TMEM245: variants seen among roughly 807,000 people sequenced by gnomAD.
The protein encoded by TMEM245 is protein CG-2.
A neutral mutation model predicts 101.2 loss-of-function variants in TMEM245; 69 were observed. The ratio of observed to expected loss-of-function variants is 0.68; its 90% confidence interval spans 0.56 to 0.83. The LOEUF is 0.83. Ranked by LOEUF, TMEM245 falls within the 40% of genes least tolerant of loss-of-function variation. The pLI is 0.00. For synonymous variants in TMEM245, 537 were observed against 449.8 expected (o/e 1.19, Z -2.45); for missense variants, 1,075 against 1,092.8 (o/e 0.98, Z 0.23).
Position 109,119,539 on chromosome 9 carries a change from G to A in TMEM245, c.375C>T (p.Leu125=), listed in dbSNP as rs761725478. The change falls in exon 1 of 18, where the codon CTC becomes CTT. Residue 125 remains leucine, a synonymous_variant. Transcript: ENST00000374586. ...AHTPIVLAAL[L]LPLCFVDYGV... ...CGTAGTCGACGAAGCAGAGCGGCAG[G>A]AGCAGCGCGGCCAGGACGATGGGCG... 7.2e-6 allele frequency: 11 copies of A among 1,531,498 alleles called. No individual in the cohort carries two copies. Among genetic ancestry groups the A allele is most frequent in the East Asian group, 2.6e-5 (1 of 39,208 alleles). The allele number at this position is 1,531,498 out of a possible 1,614,324, so 94.9% of individuals were successfully genotyped here. A position where few individuals can be genotyped will look rare whatever the true frequency, so the allele number is the denominator to read the frequency against.
intron 17 of TMEM245, among the ~76,000 whole-genome samples, chr9:109,023,983 T>C (rs1047104100): frequency 2.6e-5 from 4 of 152,196 alleles, no homozygotes; most frequent in African/African-American, 9.7e-5. Context: ...CCTTGCTCTT[T>C]GAAAATATTT....
chr9:109,107,237 T>TA (rs889532649), intron 2 of TMEM245, among the ~76,000 whole-genome samples: 60 of 137,394 alleles, frequency 4.4e-4, no homozygotes, highest in East Asian at 1.3e-3. Context: ...AAAATAAAAA[T>TA]AAAAAAAAAA....
At chr9:109,082,435 G>A (rs1829691297) in intron 7 of TMEM245, among the ~76,000 whole-genome samples, 1 of 152,180 alleles carries the variant, frequency 6.6e-6, no homozygotes, top group African/African-American at 2.4e-5. Context: ...CTTTCAATCA[G>A]AAACCAATTG....
chr9:109,056,832 T>C (rs1199059047), intron 12 of TMEM245, among the ~76,000 whole-genome samples: 1 of 152,086 alleles, frequency 6.6e-6, no homozygotes, highest in South Asian at 2.1e-4. Flanking sequence ...GGAGGTTAGG[T>C]GGGAAGGTGA....
intron 1 of TMEM245, among the ~76,000 whole-genome samples, chr9:109,118,953 C>T (rs1830809159): frequency 6.6e-6 from 1 of 152,174 alleles, no homozygotes; most frequent in African/African-American, 2.4e-5. Flanking sequence ...CTCTGACATT[C>T]AGATGCGCAG....
chr9:109,051,985 G>A (rs138647468), intron 12 of TMEM245, among the ~76,000 whole-genome samples: 2 of 152,278 alleles, frequency 1.3e-5, no homozygotes, highest in East Asian at 1.9e-4. Flanking sequence ...GTATATTGAC[G>A]TCTACTGAGT....
rs199859346 is a variant in TMEM245 at position 109,057,212 on chromosome 9, C to T, written c.1833G>A (p.Glu611=). ...DWQDIVSFVH[E]NIETFLSILE... Reference sequence around the variant, plus strand: ...TTACCGAAAGAAATGTCTCAATGTTCTCGTGAACAAAGGAAACAATATCCT... The same window carrying T: ...TTACCGAAAGAAATGTCTCAATGTTTTCGTGAACAAAGGAAACAATATCCT... The change falls in exon 12 of 18, where the codon GAG becomes GAA. Residue 611 remains glutamate (E), a synonymous_variant. Transcript: ENST00000374586. 6.2e-7 allele frequency: 1 copy of T among 1,613,820 alleles called. No homozygotes were observed. The highest frequency in any genetic ancestry group is 8.5e-7 in the Non-Finnish European group (1 of 1,179,842).
At chr9:109,021,798 G>GCAC (rs1309241295) in intron 17 of TMEM245, among the ~76,000 whole-genome samples, 2 of 152,052 alleles carry the variant, frequency 1.3e-5, no homozygotes, top group Non-Finnish European at 2.9e-5. Context: ...ATGAGACCCT[G>GCAC]CACCACCACC....
Position 109,119,503 on chromosome 9 carries a change from G to A in TMEM245, c.411C>T (p.Ala137=). ...GGCGGCGCAGCGCCTGCTCGCCCAG[G>A]GCCTCGACGCCGTAGTCGACGAAGC... is the stretch of plus-strand genomic sequence containing the variant. The part of the protein sequence containing the change: ...PLCFVDYGVE[A]LGEQALRRRR... The change falls in exon 1 of 18, where the codon GCC becomes GCT. Residue 137 remains alanine, a synonymous_variant. Transcript: ENST00000374586. 2 of 1,512,500 alleles carry A rather than the reference G, an allele frequency of 1.3e-6. No individual in the cohort carries two copies. Among genetic ancestry groups the A allele is most frequent in the East Asian group, 2.7e-5 (1 of 37,668 alleles). 93.7% of individuals were successfully genotyped at this position (1,512,500 alleles called of 1,614,324 possible). A position where few individuals can be genotyped will look rare whatever the true frequency, so the allele number is the denominator to read the frequency against.
In TMEM245 at chr9:109,020,500, A is replaced by G. The variant is rs368712040; in HGVS notation, c.2600T>C (p.Phe867Ser). Residue 867 changes from phenylalanine to serine, a missense_variant, in exon 18 of 18, where the codon TTC (phenylalanine) becomes TCC (serine). Transcript: ENST00000374586. ...TTTCAGATCTTCAGAAATGTCACGG[A>G]AAGTCCTAAAAGAAAAAAAGACGGA... is the stretch of plus-strand genomic sequence containing the variant. ...TPWPAQPQRTFRDISEDLKSS... is the reference protein window; with the variant it reads ...TPWPAQPQRTSRDISEDLKSS... 10 of 1,614,004 alleles carry G rather than the reference A, an allele frequency of 6.2e-6. No individual in the cohort carries two copies. In the Admixed American group the frequency reaches 1.2e-4, roughly 19 times the overall value.
intron 10 of TMEM245, 71 bp from the exon 11 acceptor site, chr9:109,060,523 G>T (rs1367351087): frequency 4.4e-5 from 46 of 1,034,232 alleles, no homozygotes; most frequent in Non-Finnish European, 6.3e-5. Flanking sequence ...ATATATGCTG[G>T]GTATTTACAT....
chr9:109,035,991 CAAAAAA>C, intron 16 of TMEM245: 4 of 130,090 alleles, frequency 3.1e-5, no homozygotes, highest in East Asian at 1.7e-4. Flanking sequence ...CAACAACAAC[CAAAAAA>C]AAAAAAAAAA....
chr9:109,045,470 G>A (rs1828461198), intron 14 of TMEM245, among the ~76,000 whole-genome samples: 1 of 152,168 alleles, frequency 6.6e-6, no homozygotes, highest in African/African-American at 2.4e-5. Flanking sequence ...ATCATCTGGA[G>A]GCTATGGTAG....
chr9:109,115,267 C>T (rs1208423787), intron 1 of TMEM245, among the ~76,000 whole-genome samples: 1 of 151,934 alleles, frequency 6.6e-6, no homozygotes, highest in Non-Finnish European at 1.5e-5. Flanking sequence ...TTGCTTGAAC[C>T]GGGGAGGCAG....
intron 14 of TMEM245, among the ~76,000 whole-genome samples, chr9:109,049,819 G>A (rs1449540058): frequency 6.6e-6 from 1 of 152,042 alleles, no homozygotes; most frequent in Non-Finnish European, 1.5e-5. Flanking sequence ...CAAAGAAACA[G>A]GATCTTGCTC....
At chr9:109,022,151 TA>T (rs1827645495) in intron 17 of TMEM245, among the ~76,000 whole-genome samples, 1 of 152,154 alleles carries the variant, frequency 6.6e-6, no homozygotes, top group Non-Finnish European at 1.5e-5. Context: ...GGGGAACAGG[TA>T]AAATGTCACA....
chr9:109,059,108 C>T (rs1828932972), intron 11 of TMEM245, among the ~76,000 whole-genome samples: 1 of 152,076 alleles, frequency 6.6e-6, no homozygotes, highest in East Asian at 1.9e-4. Context: ...TATTTGTAAG[C>T]AGAAGCCCCA....
intron 9 of TMEM245, among the ~76,000 whole-genome samples, chr9:109,069,235 A>G (rs1416013112): frequency 1.3e-5 from 2 of 152,138 alleles, no homozygotes; most frequent in Non-Finnish European, 2.9e-5. Flanking sequence ...GAATGCTGCT[A>G]CTATTCAAAA....
intron 14 of TMEM245, among the ~76,000 whole-genome samples, chr9:109,049,383 T>C (rs1247215278): frequency 1.3e-5 from 2 of 152,124 alleles, no homozygotes; most frequent in African/African-American, 4.8e-5. Context: ...CTGGCTAATC[T>C]TTTTTATTTT....
Sources: allele counts gnomAD v4.1 joint callset (sites outside exome capture counted in the v4.1 genomes callset), GRCh38; gene constraint gnomAD v4.1.1; transcripts MANE v1.5; gene names NCBI Gene and HGNC (gene_info 2026-07-23, HGNC 2026-07-21).